The following CCSER1 variants were observed in gnomAD, a reference collection of about 807,000 sequenced individuals.
The protein encoded by CCSER1 is coiled-coil serine rich protein 1, also known as serine-rich coiled-coil domain-containing protein 1.
CCSER1 carries 41 observed loss-of-function variants against 82.0 expected under a neutral mutation model. That is an observed-to-expected ratio of 0.50 (90% confidence interval 0.39 to 0.65). The LOEUF is 0.65. CCSER1 is among the 30% of genes least tolerant of loss of function. The pLI, the probability that CCSER1 is intolerant of heterozygous loss-of-function variation, is 0.00. For synonymous variants in CCSER1, 414 were observed against 383.9 expected (o/e 1.08, Z -0.92); for missense variants, 1,119 against 1,064.2 (o/e 1.05, Z -0.72).
At chr4:90,732,848 C>T (rs1744995779) in intron 7 of CCSER1, among the ~76,000 whole-genome samples, 1 of 152,182 alleles carries the variant, frequency 6.6e-6, no homozygotes, top group African/African-American at 2.4e-5. Flanking sequence ...CCTGTTGTTA[C>T]AAATGATAGC....
intron 7 of CCSER1, among the ~76,000 whole-genome samples, chr4:90,770,766 G>C (rs1417261228): frequency 6.6e-6 from 1 of 151,666 alleles, no homozygotes; most frequent in Non-Finnish European, 1.5e-5. Context: ...TTTGTTTTCT[G>C]TCTCACACAT....
chr4:90,613,702 A>G (rs779089479), intron 5 of CCSER1, among the ~76,000 whole-genome samples: 146 of 152,202 alleles, frequency 9.6e-4, no homozygotes, highest in Non-Finnish European at 3.7e-4. Context: ...ACTGCATGCA[A>G]TCATGGAGAA....
intron 5 of CCSER1, among the ~76,000 whole-genome samples, chr4:90,496,257 A>G (rs934124318): frequency 1.3e-5 from 2 of 152,182 alleles, no homozygotes; most frequent in African/African-American, 4.8e-5. Flanking sequence ...CACATAAAAT[A>G]TTGTGTTCTT....
At chr4:90,314,677 A>G (rs1242428501) in intron 3 of CCSER1, among the ~76,000 whole-genome samples, 1 of 152,002 alleles carries the variant, frequency 6.6e-6, no homozygotes, top group African/African-American at 2.4e-5. Context: ...ACTTGGGTCC[A>G]GGAGTTGGAG....
chr4:90,462,286 G>A (rs982113817), intron 4 of CCSER1, among the ~76,000 whole-genome samples: 1 of 152,250 alleles, frequency 6.6e-6, no homozygotes, highest in East Asian at 1.9e-4. Context: ...CAACGTATGT[G>A]ATTTTGGAGA....
intron 10 of CCSER1, among the ~76,000 whole-genome samples, chr4:91,471,936 C>T (rs1757295819): frequency 7.4e-6 from 1 of 135,374 alleles, no homozygotes; most frequent in Non-Finnish European, 1.5e-5. Flanking sequence ...TGCCACTGCA[C>T]TCCAGTCTGG....
At chr4:91,096,729 T>C (rs1290193615) in intron 10 of CCSER1, among the ~76,000 whole-genome samples, 1 of 152,078 alleles carries the variant, frequency 6.6e-6, no homozygotes, top group Non-Finnish European at 1.5e-5. Flanking sequence ...CCCAATGGAG[T>C]GGGCTTACAT....
chr4:90,542,551 A>G (rs1257015632), intron 5 of CCSER1, among the ~76,000 whole-genome samples: 1 of 152,236 alleles, frequency 6.6e-6, no homozygotes, highest in African/African-American at 2.4e-5. Flanking sequence ...GTTATGACAA[A>G]CTGTGCTAAC....
chr4:90,895,613 T>C (rs992850499), intron 8 of CCSER1, among the ~76,000 whole-genome samples: 1 of 151,948 alleles, frequency 6.6e-6, no homozygotes, highest in Non-Finnish European at 1.5e-5. Flanking sequence ...ATCATTTACA[T>C]TTTAAATACC....
chr4:90,254,968 C>T (rs950681725), intron 1 of CCSER1, among the ~76,000 whole-genome samples: 19 of 143,242 alleles, frequency 1.3e-4, no homozygotes, highest in African/African-American at 5.0e-4. Context: ...TACATATCAA[C>T]ATATATATCA....
chr4:90,611,026 C>A (rs1474197081), intron 5 of CCSER1, among the ~76,000 whole-genome samples: 1 of 149,060 alleles, frequency 6.7e-6, no homozygotes, highest in Non-Finnish European at 1.5e-5. Flanking sequence ...TACAGGCGCC[C>A]GCCACCATGC....
intron 7 of CCSER1, among the ~76,000 whole-genome samples, chr4:90,813,126 T>C (rs1016395246): frequency 2.2e-4 from 34 of 152,188 alleles, no homozygotes; most frequent in Non-Finnish European, 4.0e-4. Context: ...GGCAAATCTC[T>C]TTCATCTATG....
chr4:91,081,986 G>A (rs541934346), intron 9 of CCSER1, among the ~76,000 whole-genome samples: 8 of 152,254 alleles, frequency 5.3e-5, no homozygotes, highest in African/African-American at 1.4e-4. Context: ...TGGCCATACT[G>A]CCCAAGGTAA....
rs181954806 is a variant in CCSER1, at chr4:90,272,999, T to G, written c.-41-35245T>G. Among the ~76,000 whole-genome samples, 17 of 145,852 alleles carry G rather than the reference T, an allele frequency of 1.2e-4. No homozygotes were observed. The East Asian group carries it at 3.0e-3, about 26-fold the overall frequency. ...GCCTGGGTGACAGAGTGAGACTCTA[T>G]CTCAAAAAAACAAACAAACAAACAA... On this transcript the variant is annotated intron_variant, in intron 1 of 10. Transcript: ENST00000509176.
At chr4:91,426,333 T>C (rs1753970996) in intron 10 of CCSER1, among the ~76,000 whole-genome samples, 1 of 152,186 alleles carries the variant, frequency 6.6e-6, no homozygotes, top group Non-Finnish European at 1.5e-5. Flanking sequence ...TTGTGAATAG[T>C]GCTGCAATAA....
intron 6 of CCSER1, among the ~76,000 whole-genome samples, chr4:90,630,392 C>T (rs1042612085): frequency 2.0e-5 from 3 of 152,100 alleles, no homozygotes; most frequent in Non-Finnish European, 2.9e-5. Flanking sequence ...TCTTAGAGTA[C>T]TTAATTTTAT....
chr4:90,491,287 A>C (rs559579155), intron 5 of CCSER1, among the ~76,000 whole-genome samples: 2 of 152,088 alleles, frequency 1.3e-5, no homozygotes. Context: ...GCAATTGTGA[A>C]TGGGAGTTCA....
intron 7 of CCSER1, among the ~76,000 whole-genome samples, chr4:90,807,349 C>A (rs1177066745): frequency 6.6e-6 from 1 of 152,010 alleles, no homozygotes; most frequent in Non-Finnish European, 1.5e-5. Flanking sequence ...CCATAATACC[C>A]AAGATTTGGG....
intron 5 of CCSER1, among the ~76,000 whole-genome samples, chr4:90,581,302 T>G (rs1343628852): frequency 6.6e-6 from 1 of 152,074 alleles, no homozygotes; most frequent in African/African-American, 2.4e-5. Context: ...TATGAGCACA[T>G]GTAAAAGATG....
Sources: gnomAD v4.1 joint callset for allele counts (sites outside exome capture counted in the v4.1 genomes callset) on GRCh38, gnomAD v4.1.1 for gene constraint, MANE v1.5 for transcripts, NCBI Gene and HGNC (gene_info 2026-07-23, HGNC 2026-07-21) for gene names.